The following WDR93 variants were observed in gnomAD, a reference collection of about 807,000 sequenced individuals.
WDR93 encodes WD repeat domain 93.
A neutral mutation model predicts 82.9 loss-of-function variants in WDR93; 73 were observed. The observed-to-expected ratio is 0.88, with a 90% CI of 0.73 to 1.07. WDR93 has a LOEUF of 1.07. Among genes scored for constraint, WDR93 ranks in the 50% least tolerant of loss-of-function variants. The probability of loss-of-function intolerance (pLI) is 0.00; values close to 1 mark genes in which losing one functional copy is unlikely to be tolerated. For synonymous variants in WDR93, 283 were observed against 300.1 expected (o/e 0.94, Z 0.59); for missense variants, 738 against 826.0 (o/e 0.89, Z 1.31).
intron 1 of WDR93, among the ~76,000 whole-genome samples, chr15:89,691,486 G>A (rs1877541406): frequency 6.6e-6 from 1 of 152,214 alleles, no homozygotes; most frequent in Non-Finnish European, 1.5e-5. Context: ...TGGGAGCCGA[G>A]GTGGGCGGAT....
intron 5 of WDR93, among the ~76,000 whole-genome samples, chr15:89,713,077 C>T (rs945809836): frequency 2.7e-5 from 4 of 147,008 alleles, no homozygotes; most frequent in South Asian, 2.2e-4. Context: ...GAGCCGAGAT[C>T]GTGCCATTGC....
At chr15:89,701,596 C>T (rs1257953601) in intron 1 of WDR93, 111 bp from the exon 2 acceptor site, 1 of 897,972 alleles carries the variant, frequency 1.1e-6, no homozygotes, top group Non-Finnish European at 1.7e-6. Flanking sequence ...AGGAAAATGC[C>T]AGTCTGTGGA....
intron 1 of WDR93, among the ~76,000 whole-genome samples, chr15:89,701,026 T>C (rs1212117492): frequency 6.6e-6 from 1 of 152,170 alleles, no homozygotes; most frequent in Non-Finnish European, 1.5e-5. Flanking sequence ...TAATAAATTG[T>C]AAATATTTTT....
At chr15:89,735,068 G>A (rs957114397) in intron 13 of WDR93, among the ~76,000 whole-genome samples, 13 of 141,430 alleles carry the variant, frequency 9.2e-5, no homozygotes, top group African/African-American at 3.2e-4. Context: ...TTTTGTTTGA[G>A]ACACGGTCTC....
At chr15:89,734,048 AAAG>A (rs2141701221) in intron 13 of WDR93, among the ~76,000 whole-genome samples, 1 of 152,188 alleles carries the variant, frequency 6.6e-6, no homozygotes, top group South Asian at 2.1e-4. Context: ...TGTGTGTAAT[AAAG>A]AATAATGAGA....
At chr15:89,725,113 T>C (rs1966681963) in intron 8 of WDR93, among the ~76,000 whole-genome samples, 1 of 152,194 alleles carries the variant, frequency 6.6e-6, no homozygotes, top group African/African-American at 2.4e-5. Flanking sequence ...TGCAAGCAAG[T>C]GTGTTCCAGG....
chr15:89,716,876 C>A (rs375935899), intron 6 of WDR93, 35 bp from the exon 7 acceptor site: 7 of 1,465,382 alleles, frequency 4.8e-6, no homozygotes, highest in Non-Finnish European at 5.6e-6. Flanking sequence ...ATACATCAAA[C>A]CTATTGTGAA....
At chr15:89,701,112 G>A (rs1965440068) in intron 1 of WDR93, among the ~76,000 whole-genome samples, 1 of 152,144 alleles carries the variant, frequency 6.6e-6, no homozygotes, top group Non-Finnish European at 1.5e-5. Flanking sequence ...AGAAGTGGAA[G>A]TTTATGGGTC....
chr15:89,738,836 C>T (rs1054894020), intron 16 of WDR93, among the ~76,000 whole-genome samples: 1 of 150,708 alleles, frequency 6.6e-6, no homozygotes, highest in Admixed American at 6.6e-5. Context: ...ATGTTTAGGC[C>T]AGGCCCGGTG....
intron 7 of WDR93, among the ~76,000 whole-genome samples, chr15:89,717,270 G>C (rs1966309029): frequency 6.6e-6 from 1 of 152,006 alleles, no homozygotes; most frequent in Non-Finnish European, 1.5e-5. Flanking sequence ...ATGTTGGTCA[G>C]GCTGGTCTTC....
At chr15:89,694,357 C>T (rs1279025401) in intron 1 of WDR93, among the ~76,000 whole-genome samples, 1 of 151,540 alleles carries the variant, frequency 6.6e-6, no homozygotes, top group African/African-American at 2.4e-5. Flanking sequence ...GCCTCAGCCC[C>T]CCGAGTAGCT....
chr15:89,716,553 G>A (rs555274355), intron 6 of WDR93, among the ~76,000 whole-genome samples: 1 of 152,286 alleles, frequency 6.6e-6, no homozygotes, highest in South Asian at 2.1e-4. Flanking sequence ...TATATTTAGA[G>A]TTACTTAAAT....
chr15:89,728,337 A>C (rs1187441281), intron 9 of WDR93, among the ~76,000 whole-genome samples: 1 of 152,208 alleles, frequency 6.6e-6, no homozygotes, highest in Non-Finnish European at 1.5e-5. Flanking sequence ...CCTCATAGCT[A>C]CTGTGGATCT....
At chr15:89,717,962 T>C (rs1966335373) in intron 7 of WDR93, among the ~76,000 whole-genome samples, 1 of 152,218 alleles carries the variant, frequency 6.6e-6, no homozygotes, top group Admixed American at 6.5e-5. Flanking sequence ...AGCATGGCTC[T>C]TGGAGGACTC....
Position 89,729,055 on chromosome 15 carries a change from G to T in WDR93, c.1085G>T (p.Cys362Phe), listed in dbSNP as rs1485671324. The change falls in exon 10 of 17, where the codon TGC (cysteine) becomes TTC (phenylalanine). Residue 362 changes from cysteine to phenylalanine, a missense_variant. Coordinates refer to ENST00000268130, the MANE Select transcript of WDR93 (RefSeq NM_020212.2). The stretch of plus-strand genomic sequence containing the variant: ...ACCTTCTATTTCCTTCTTCCTAGCT[G>T]CCTATTTGCAATGCCACCGGAAGTC... Reference protein sequence around the residue: ...TATFYFLLPSCLFAMPPEVKG... With the variant: ...TATFYFLLPSFLFAMPPEVKG... 1 of 1,614,092 alleles carries T rather than the reference G, an allele frequency of 6.2e-7. No homozygotes were observed. Among genetic ancestry groups the T allele is most frequent in the Non-Finnish European group, 8.5e-7 (1 of 1,180,020 alleles).
intron 1 of WDR93, among the ~76,000 whole-genome samples, chr15:89,697,412 T>G (rs1195433778): frequency 2.0e-5 from 3 of 152,210 alleles, no homozygotes; most frequent in East Asian, 3.8e-4. Flanking sequence ...CGTGTTAGTT[T>G]CCTAATATTT....
At chr15:89,743,176 G>C in intron 16 of WDR93, 116 bp from the exon 17 acceptor site, 1 of 969,068 alleles carries the variant, frequency 1.0e-6, no homozygotes, top group South Asian at 1.4e-5. Flanking sequence ...AGGCGATGCA[G>C]GTGTGTCCTC....
intron 13 of WDR93, among the ~76,000 whole-genome samples, chr15:89,734,575 A>C (rs948990744): frequency 6.6e-6 from 1 of 152,234 alleles, no homozygotes; most frequent in Non-Finnish European, 1.5e-5. Flanking sequence ...ACATTCAAGC[A>C]GTAGAAAAAC....
chr15:89,717,432 A>G (rs1966316111), intron 7 of WDR93, among the ~76,000 whole-genome samples: 2 of 152,070 alleles, frequency 1.3e-5, no homozygotes, highest in Admixed American at 1.3e-4. Context: ...CCTGGGCACT[A>G]TTTTCAATTC....
Sources: allele counts gnomAD v4.1 joint callset (sites outside exome capture counted in the v4.1 genomes callset), GRCh38; gene constraint gnomAD v4.1.1; transcripts MANE v1.5; gene names NCBI Gene and HGNC (gene_info 2026-07-23, HGNC 2026-07-21).